The following CDH18 variants were observed in gnomAD, a reference collection of about 807,000 sequenced individuals.
CDH18 encodes cadherin-18.
Under a neutral mutation model 67.9 loss-of-function variants are expected in CDH18, and 31 were observed. The ratio of observed to expected loss-of-function variants is 0.46; its 90% CI spans 0.34 to 0.62. The LOEUF (loss-of-function observed/expected upper bound fraction) is 0.62. Among genes scored for constraint, CDH18 ranks in the 20% least tolerant of loss-of-function variants. The probability of loss-of-function intolerance (pLI) is 0.01; values close to 1 mark genes in which losing one functional copy is unlikely to be tolerated. For missense variants in CDH18, 890 were observed against 975.5 expected (o/e 0.91, Z 1.17); for synonymous variants, 362 against 347.2 (o/e 1.04, Z -0.48).
At position 19,752,633 on chromosome 5, in the gene CDH18, T is replaced by G. The variant is rs564685589; in HGVS notation, c.229-5397A>C. Among the ~76,000 whole-genome samples, 9 of 151,932 alleles carry G rather than the reference T, an allele frequency of 5.9e-5. No homozygotes were observed. In the East Asian group the frequency reaches 1.8e-3, roughly 30 times the overall value. ...GACAAAGGGCATATACTTTTGGGAG[T>G]TCTAGGGCCCCACCTGCCATGGGTT... On this transcript the variant is annotated intron_variant, in intron 3 of 12. Transcript: ENST00000382275.
At position 19,811,611 on chromosome 5, in the gene CDH18, C is replaced by CA. The variant is rs202163975; in HGVS notation, c.228+27147dup. On this transcript the variant is annotated intron_variant, in intron 3 of 12. Transcript: ENST00000382275. ...AGCTCTAGGAAATAAATACACAGACCAAAAAATATAAAAAGAAAAAAATTA... is the reference window on the plus strand; with the variant it reads ...AGCTCTAGGAAATAAATACACAGACCAAAAAAATATAAAAAGAAAAAAATTA... Among the ~76,000 whole-genome samples, 754 of 151,666 alleles carry CA rather than the reference C, an allele frequency of 5.0e-3. 2 individuals are homozygous for CA. Among genetic ancestry groups the CA allele is most frequent in the Non-Finnish European group, 7.1e-3 (480 of 67,892 alleles).
intron 2 of CDH18, among the ~76,000 whole-genome samples, chr5:20,190,047 C>G (rs980128924): frequency 6.6e-6 from 1 of 152,108 alleles, no homozygotes; most frequent in Non-Finnish European, 1.5e-5. Flanking sequence ...TTTTGTAGAG[C>G]TTCTGCAGCA....
At chr5:19,875,438 A>AGATAGATC (rs1231937550) in intron 2 of CDH18, among the ~76,000 whole-genome samples, 22 of 116,962 alleles carry the variant, frequency 1.9e-4, no homozygotes, top group South Asian at 2.8e-4. Flanking sequence ...ATAGATAGAT[A>AGATAGATC]GATCGATCGA....
intron 4 of CDH18, among the ~76,000 whole-genome samples, chr5:19,745,544 G>T (rs1307790069): frequency 1.3e-5 from 2 of 152,198 alleles, no homozygotes; most frequent in Non-Finnish European, 2.9e-5. Context: ...GTGGGTATCA[G>T]TTCCTTGATG....
intron 2 of CDH18, among the ~76,000 whole-genome samples, chr5:20,042,759 C>G (rs563344571): frequency 1.3e-5 from 2 of 151,988 alleles, no homozygotes; most frequent in African/African-American, 2.4e-5. Context: ...GTCAAGAGAT[C>G]GAGACCATCC....
rs181371407 is a variant in CDH18, at chr5:20,321,045, T to C, written c.-579-65540A>G. Among the ~76,000 whole-genome samples, 386 of 152,318 alleles carry C rather than the reference T, an allele frequency of 2.5e-3. 3 individuals carry two copies. Among genetic ancestry groups the C allele is most frequent in the South Asian group, 0.024 (118 of 4,828 alleles). Reference sequence around the variant, plus strand: ...CACTTGTATCCTCTCTTTTCCATTATTCCCTCTCTTTCCTTGGCTTTCTCT... The same window carrying C: ...CACTTGTATCCTCTCTTTTCCATTACTCCCTCTCTTTCCTTGGCTTTCTCT... On this transcript the variant is annotated intron_variant, in intron 1 of 14. Coordinates refer to the CDH18 transcript ENST00000507958.
intron 5 of CDH18, among the ~76,000 whole-genome samples, chr5:19,692,509 A>G (rs1032283639): frequency 2.6e-5 from 4 of 152,070 alleles, no homozygotes; most frequent in African/African-American, 4.8e-5. Flanking sequence ...TAGTCATAAT[A>G]TGTAAGAAAC....
At chr5:19,721,599 T>G (rs1766111073) in intron 4 of CDH18, 133 bp from the exon 5 acceptor site, 1 of 634,016 alleles carries the variant, frequency 1.6e-6, no homozygotes. Flanking sequence ...TTAATTAAAT[T>G]TATGTATAAA....
rs565985915 is a variant in CDH18, at chr5:20,086,791, T to C, written c.-517-94777A>G. Among the ~76,000 whole-genome samples, 43 of 152,272 alleles carry C rather than the reference T, an allele frequency of 2.8e-4. 1 individual carries two copies. In the South Asian group the frequency reaches 8.7e-3, roughly 31 times the overall value. On this transcript the variant is annotated intron_variant, in intron 2 of 14. Transcript: ENST00000507958. ...GACTCTTTCTAAATACTAATGCTCA[T>C]TGATAAGGTACCTGGTCACCCAAGA... is the stretch of plus-strand genomic sequence containing the variant.
intron 1 of CDH18, among the ~76,000 whole-genome samples, chr5:20,566,277 G>A (rs967429380): frequency 4.6e-5 from 7 of 151,610 alleles, no homozygotes; most frequent in African/African-American, 1.7e-4. Context: ...GAGAGACTCA[G>A]TTGTTTCAAA....
chr5:19,818,761 A>C (rs1160927862), intron 3 of CDH18, among the ~76,000 whole-genome samples: 1 of 152,222 alleles, frequency 6.6e-6, no homozygotes, highest in East Asian at 1.9e-4. Context: ...ATCTAAACAT[A>C]AAAACAGTAC....
chr5:20,030,752 G>A (rs530104027), intron 2 of CDH18, among the ~76,000 whole-genome samples: 24 of 152,226 alleles, frequency 1.6e-4, no homozygotes, highest in African/African-American at 5.5e-4. Context: ...TAGGAATTAC[G>A]AGTTAGGCCA....
intron 3 of CDH18, among the ~76,000 whole-genome samples, chr5:19,829,676 T>C (rs1780807302): frequency 6.6e-6 from 1 of 152,240 alleles, no homozygotes; most frequent in Non-Finnish European, 1.5e-5. Flanking sequence ...GCTATCAAAC[T>C]GTCAATTTCA....
chr5:19,845,331 T>C (rs1455224917), intron 2 of CDH18, among the ~76,000 whole-genome samples: 1 of 152,182 alleles, frequency 6.6e-6, no homozygotes, highest in Non-Finnish European at 1.5e-5. Flanking sequence ...TCTGTTTTTA[T>C]TTCGCTATTT....
In CDH18 at chr5:20,060,420, C is replaced by A. The variant is rs535505139; in HGVS notation, c.-517-68406G>T. On this transcript the variant is annotated intron_variant, in intron 2 of 14. Coordinates refer to the CDH18 transcript ENST00000507958. Reference sequence around the variant, plus strand: ...CAGAGGTTGCAGTGAGCCAAGATTGCGCCACTGCACTCCAGCCTGGGTGAC... The same window carrying A: ...CAGAGGTTGCAGTGAGCCAAGATTGAGCCACTGCACTCCAGCCTGGGTGAC... Among the ~76,000 whole-genome samples the A allele has an allele frequency of 4.0e-3, 613 of 151,804 alleles. 2 individuals are homozygous for A. Among genetic ancestry groups the A allele is most frequent in the African/African-American group, 0.014 (577 of 41,372 alleles).
At chr5:20,346,237 G>C (rs182403908) in intron 1 of CDH18, among the ~76,000 whole-genome samples, 7 of 152,292 alleles carry the variant, frequency 4.6e-5, no homozygotes, top group Admixed American at 3.9e-4. Context: ...TTATGGAGCA[G>C]AGAGTCTTAT....
At chr5:19,673,645 C>G (rs1240092846) in intron 5 of CDH18, among the ~76,000 whole-genome samples, 2 of 151,928 alleles carry the variant, frequency 1.3e-5, no homozygotes, top group African/African-American at 4.8e-5. Flanking sequence ...GTAACTTCAA[C>G]CAGCTTTCTG....
At chr5:20,135,213 C>T (rs1217076895) in intron 2 of CDH18, among the ~76,000 whole-genome samples, 1 of 152,088 alleles carries the variant, frequency 6.6e-6, no homozygotes, top group Admixed American at 6.6e-5. Flanking sequence ...GTTTTGTTCT[C>T]CCATCTTTAC....
intron 3 of CDH18, among the ~76,000 whole-genome samples, chr5:19,749,005 T>C (rs955253917): frequency 2.6e-5 from 4 of 152,100 alleles, no homozygotes; most frequent in Admixed American, 6.5e-5. Flanking sequence ...CATTAGTAAA[T>C]TGGATACTAA....
Sources: gnomAD v4.1 joint callset for allele counts (sites outside exome capture counted in the v4.1 genomes callset) on GRCh38, gnomAD v4.1.1 for gene constraint, MANE v1.5 for transcripts, NCBI Gene and HGNC (gene_info 2026-07-23, HGNC 2026-07-21) for gene names.